The following RIMS1 variants were observed in gnomAD, a reference collection of about 807,000 sequenced individuals.
The protein encoded by RIMS1 is regulating synaptic membrane exocytosis protein 1.
Under a neutral mutation model 214.1 loss-of-function variants are expected in RIMS1, and 83 were observed. The ratio of observed to expected loss-of-function variants is 0.39; its 90% CI spans 0.32 to 0.47. RIMS1 has a LOEUF of 0.47. RIMS1 is among the 20% of genes least tolerant of loss of function. The pLI, the probability that RIMS1 is intolerant of heterozygous loss-of-function variation, is 0.99. For missense variants in RIMS1, 2,050 were observed against 2,161.8 expected (o/e 0.95, Z 1.03); for synonymous variants, 793 against 786.8 (o/e 1.01, Z -0.13).
chr6:72,316,620 C>A, intron 28 of RIMS1: 1 of 465,470 alleles, frequency 2.1e-6, no homozygotes. Context: ...AAGAGAGCAA[C>A]CAGCCTGGAG....
At chr6:72,050,443 T>C (rs554413997) in intron 2 of RIMS1, among the ~76,000 whole-genome samples, 91 of 152,196 alleles carry the variant, frequency 6.0e-4, no homozygotes, top group Non-Finnish European at 1.1e-3. Flanking sequence ...CCATCCTCTT[T>C]AATATTTCAG....
At chr6:72,123,797 C>G (rs970635680) in intron 4 of RIMS1, among the ~76,000 whole-genome samples, 1 of 151,792 alleles carries the variant, frequency 6.6e-6, no homozygotes, top group Non-Finnish European at 1.5e-5. Flanking sequence ...ATTGCAACCC[C>G]TGCTTTTTTT....
intron 2 of RIMS1, among the ~76,000 whole-genome samples, chr6:71,985,563 C>G (rs1799698321): frequency 6.6e-6 from 1 of 152,070 alleles, no homozygotes; most frequent in South Asian, 2.1e-4. Flanking sequence ...TTACCAATTC[C>G]ATGTTAAAGT....
chr6:71,981,959 C>A (rs1798610214), intron 2 of RIMS1, among the ~76,000 whole-genome samples: 1 of 149,832 alleles, frequency 6.7e-6, no homozygotes, highest in African/African-American at 2.5e-5. Context: ...TTGGTTTGAA[C>A]TATGATTTGA....
At chr6:72,177,541 C>T (rs1221439442) in intron 4 of RIMS1, among the ~76,000 whole-genome samples, 1 of 152,054 alleles carries the variant, frequency 6.6e-6, no homozygotes, top group African/African-American at 2.4e-5. Flanking sequence ...TGTCAGCCAC[C>T]ACACCTGGCT....
chr6:72,333,611 C>G lies in RIMS1; in HGVS notation c.4142C>G (p.Pro1381Arg), dbSNP rs1272861809. The change falls in exon 29 of 34, where the codon CCC (proline) becomes CGC (arginine). Residue 1381 changes from proline to arginine, a missense_variant. This residue lies in a region of RIMS1 where 889 missense variants were observed against 885.5 expected (regional missense o/e 1.00). Coordinates refer to ENST00000521978, the MANE Select transcript of RIMS1 (RefSeq NM_014989.7). ...RPRGRISSFT[P>R]KMQGRRMGTS... The stretch of plus-strand genomic sequence containing the variant: ...CTTTGTAAATATAGTTCATTTACCC[C>G]CAAAATGCAAGGCAGACGGATGGGG... The G allele has an allele frequency of 1.9e-6, 3 of 1,587,172 alleles. No individual in the cohort carries two copies. Among genetic ancestry groups the G allele is most frequent in the Admixed American group, 1.8e-5 (1 of 56,298 alleles).
chr6:71,905,312 A>G (rs1036644259), intron 1 of RIMS1, among the ~76,000 whole-genome samples: 4 of 152,118 alleles, frequency 2.6e-5, no homozygotes, highest in Admixed American at 2.0e-4. Flanking sequence ...CTTCTCAGTA[A>G]CCTAGCATGA....
intron 6 of RIMS1, among the ~76,000 whole-genome samples, chr6:72,201,128 C>G (rs2153992500): frequency 6.6e-6 from 1 of 152,110 alleles, no homozygotes; most frequent in Non-Finnish European, 1.5e-5. Context: ...ATATTTCTTC[C>G]AAATTAGTCC....
rs1161199563 is a variant in RIMS1 at position 72,396,631 on chromosome 6, T to TATTC, written c.4619-1618_4619-1617insATTC. 3.9e-5 allele frequency among the ~76,000 whole-genome samples: 6 copies of TATTC among 152,296 alleles called. No homozygotes were observed. The East Asian group carries it at 1.2e-3, about 29-fold the overall frequency. On this transcript the variant is annotated intron_variant, in intron 31 of 33. Coordinates refer to ENST00000521978, the MANE Select transcript of RIMS1 (RefSeq NM_014989.7). Reference sequence around the variant, plus strand: ...AATATTATAGAGAAATTAAAGGGAATGTCCTAGATCTCAACACATCAACTT... The same window carrying TATTC: ...AATATTATAGAGAAATTAAAGGGAATATTCGTCCTAGATCTCAACACATCAACTT...
chr6:71,971,843 C>T lies in RIMS1; in HGVS notation c.245+2780C>T, dbSNP rs570712239. On this transcript the variant is annotated intron_variant, in intron 2 of 33. Coordinates refer to ENST00000521978, the MANE Select transcript of RIMS1 (RefSeq NM_014989.7). ...TCAATTACCTCCCACTGGGTCCCTCCGCCAATACATGGGAATTCAAGATGA... is the reference window on the plus strand; with the variant it reads ...TCAATTACCTCCCACTGGGTCCCTCTGCCAATACATGGGAATTCAAGATGA... Among the ~76,000 whole-genome samples, 84 of 152,208 alleles carry T rather than the reference C, an allele frequency of 5.5e-4. No homozygotes were observed. In the South Asian group the frequency reaches 6.6e-3, roughly 12 times the overall value.
Position 72,258,973 on chromosome 6 carries a change from G to T in RIMS1, c.2928-13G>T, listed in dbSNP as rs2154155501. The T allele has an allele frequency of 6.2e-7, 1 of 1,611,854 alleles. No homozygotes were observed. Among genetic ancestry groups the T allele is most frequent in the Non-Finnish European group, 8.5e-7 (1 of 1,178,366 alleles). On this transcript the variant is annotated splice_polypyrimidine_tract_variant and intron_variant, in intron 17 of 33. Transcript: ENST00000521978. ...ATACAATTTGACACATAAGAATTTT[G>T]TAATCATTTTAGGAGTTTAGATGAA...
Position 71,887,207 on chromosome 6 carries a change from G to A in RIMS1, c.164+20G>A, listed in dbSNP as rs1218151026. 4.4e-6 allele frequency: 7 copies of A among 1,592,694 alleles called. No individual in the cohort carries two copies. The highest frequency in any genetic ancestry group is 2.3e-5 in the East Asian group (1 of 43,602). On this transcript the variant is annotated intron_variant, in intron 1 of 33. Transcript: ENST00000521978. ...GCTCAAGTAAGCCAGCCCCAGCCGC[G>A]CCATCCATGCCTCCGTGCCTCCATC...
intron 2 of RIMS1, among the ~76,000 whole-genome samples, chr6:72,056,497 C>A (rs1826214853): frequency 6.6e-6 from 1 of 152,212 alleles, no homozygotes; most frequent in African/African-American, 2.4e-5. Context: ...CATTATTATG[C>A]ATAACTGAAG....
In RIMS1 at chr6:72,030,942, A is replaced by G. The variant is rs542399304; in HGVS notation, c.245+61879A>G. ...CAGAAGGAATTGAAACATACTTTCT[A>G]TGGATTTTTAACTTTGGTTCTATTA... On this transcript the variant is annotated intron_variant, in intron 2 of 33. Transcript: ENST00000521978. Among the ~76,000 whole-genome samples the G allele has an allele frequency of 2.0e-4, 30 of 152,288 alleles. No homozygotes were observed. The South Asian group carries it at 3.7e-3, about 19-fold the overall frequency.
At position 72,235,546 on chromosome 6, in the gene RIMS1, T is replaced by C. The variant is rs74330154; in HGVS notation, c.1747-72T>C. The stretch of plus-strand genomic sequence containing the variant: ...TCCATGTTACCTCTAATGACAAGAC[T>C]TCATTCTTTTTATAGCTGAATGCAT... On this transcript the variant is annotated intron_variant, in intron 7 of 33. Transcript: ENST00000521978. 1,989 of 965,794 alleles carry C rather than the reference T, an allele frequency of 2.1e-3. 26 individuals carry two copies. The African/African-American group carries it at 0.029, about 14-fold the overall frequency. The allele number at this position is 965,794 out of a possible 1,614,324, so 59.8% of individuals were successfully genotyped here. A position where few individuals can be genotyped will look rare whatever the true frequency, so the allele number is the denominator to read the frequency against.
chr6:71,997,185 A>G (rs969395807), intron 2 of RIMS1, among the ~76,000 whole-genome samples: 7 of 152,174 alleles, frequency 4.6e-5, no homozygotes, highest in Admixed American at 1.3e-4. Context: ...GATAAAATAA[A>G]CTTTTTCATA....
intron 6 of RIMS1, among the ~76,000 whole-genome samples, chr6:72,190,850 C>T (rs763540166): frequency 3.7e-4 from 56 of 152,126 alleles, no homozygotes; most frequent in Non-Finnish European, 7.1e-4. Flanking sequence ...GTTCAGGTTG[C>T]GTGGTGACTT....
At chr6:72,075,990 C>T (rs554827511) in intron 2 of RIMS1, among the ~76,000 whole-genome samples, 30 of 152,122 alleles carry the variant, frequency 2.0e-4, no homozygotes, top group African/African-American at 6.7e-4. Flanking sequence ...AGTATGTGAC[C>T]TGTTTGTTCA....
At chr6:72,398,897 TA>T (rs1363141545) in intron 32 of RIMS1, 57 bp from the exon 33 acceptor site, 7 of 1,116,604 alleles carry the variant, frequency 6.3e-6, no homozygotes, top group Non-Finnish European at 7.7e-6. Context: ...ATTCTCTAAT[TA>T]AAAAAATAGT....
Sources: allele counts gnomAD v4.1 joint callset (sites outside exome capture counted in the v4.1 genomes callset), GRCh38; gene constraint gnomAD v4.1.1; regional missense constraint gnomAD v4.1.1; transcripts MANE v1.5; gene names NCBI Gene and HGNC (gene_info 2026-07-23, HGNC 2026-07-21).